The following SORL1 variants were observed in gnomAD, a reference collection of about 807,000 sequenced individuals.
The protein encoded by SORL1 is sortilin-related receptor.
Under a neutral mutation model 273.7 loss-of-function variants are expected in SORL1, and 127 were observed. The observed-to-expected ratio is 0.46, with a 90% CI of 0.40 to 0.54. The LOEUF is 0.54. Among genes scored for constraint, SORL1 ranks in the 20% least tolerant of loss-of-function variants. SORL1 has a pLI of 0.00. For synonymous variants in SORL1, 1,031 were observed against 1,067.4 expected (o/e 0.97, Z 0.66); for missense variants, 2,494 against 2,846.1 (o/e 0.88, Z 2.81).
rs745813874 is a variant in SORL1 at position 121,526,338 on chromosome 11, T to C, written c.1596+3349T>C. On this transcript the variant is annotated intron_variant, in intron 11 of 47. Coordinates refer to ENST00000260197, the MANE Select transcript of SORL1 (RefSeq NM_003105.6). ...CCCATTAATCTGTCTGTCTTTTCAC[T>C]AATACCAAATTATCTTAATTTCCAA... Among the ~76,000 whole-genome samples, 62 of 152,202 alleles carry C rather than the reference T, an allele frequency of 4.1e-4. 1 individual carries two copies. The highest frequency in any genetic ancestry group is 2.0e-4 in the Admixed American group (3 of 15,278).
chr11:121,489,020 A>G (rs556890943), intron 4 of SORL1, among the ~76,000 whole-genome samples: 3 of 152,248 alleles, frequency 2.0e-5, no homozygotes, highest in South Asian at 4.1e-4. Context: ...TTCTTAATAC[A>G]TGGTTGCTAG....
At chr11:121,614,664 C>G (rs1360072536) in intron 40 of SORL1, 3 of 497,420 alleles carry the variant, frequency 6.0e-6, no homozygotes, top group Non-Finnish European at 1.0e-5. Flanking sequence ...AAAGAAATTA[C>G]CCAGTGCTTG....
At position 121,522,608 on chromosome 11, in the gene SORL1, A is replaced by T; in HGVS notation, c.1427A>T (p.His476Leu). 6.2e-7 allele frequency: 1 copy of T among 1,614,076 alleles called. No homozygotes were observed. The highest frequency in any genetic ancestry group is 8.5e-7 in the Non-Finnish European group (1 of 1,179,946). ...TAGCTTTCCCAGGGCTGTTCCCTTC[A>T]TCTGGCTCAGCGCCTCAGTCAGCTC... ...NCELSQGCSL[H>L]LAQRLSQLLN... is the part of the protein sequence containing the mutation. Residue 476 changes from histidine (H) to leucine (L), a missense_variant, in exon 10 of 48, where the codon CAT (histidine) becomes CTT (leucine). By Grantham distance (99) the His-to-Leu change is moderately conservative. Transcript: ENST00000260197.
intron 6 of SORL1, among the ~76,000 whole-genome samples, chr11:121,509,298 A>G (rs749441239): frequency 6.6e-6 from 1 of 151,958 alleles, no homozygotes; most frequent in Non-Finnish European, 1.5e-5. Flanking sequence ...CTGCCATGCA[A>G]CTTTCAGTGG....
At chr11:121,535,745 A>G (rs1008456579) in intron 12 of SORL1, among the ~76,000 whole-genome samples, 9 of 151,174 alleles carry the variant, frequency 6.0e-5, no homozygotes, top group Admixed American at 5.3e-4. Flanking sequence ...GATATCTAGG[A>G]GTTGACTGTT....
intron 41 of SORL1, among the ~76,000 whole-genome samples, chr11:121,616,187 A>C (rs1863637175): frequency 6.6e-6 from 1 of 152,174 alleles, no homozygotes; most frequent in Admixed American, 6.5e-5. Flanking sequence ...AGAGTAGGGC[A>C]ATTGCACAGA....
intron 12 of SORL1, among the ~76,000 whole-genome samples, chr11:121,541,040 T>C (rs1862339448): frequency 6.6e-6 from 1 of 152,230 alleles, no homozygotes; most frequent in Non-Finnish European, 1.5e-5. Flanking sequence ...TATCCAAATA[T>C]CTGTTTCAAA....
chr11:121,544,283 C>T (rs1862391394), intron 13 of SORL1, among the ~76,000 whole-genome samples: 1 of 152,158 alleles, frequency 6.6e-6, no homozygotes, highest in Non-Finnish European at 1.5e-5. Context: ...CCTGTTTCTT[C>T]TCATTTCCAC....
rs720099 is a variant in SORL1 at position 121,563,084 on chromosome 11, T to C, written c.3049+3427T>C. On this transcript the variant is annotated intron_variant, in intron 21 of 47. Transcript: ENST00000260197. The surrounding 1 kb of genome is among the most constrained non-coding windows in gnomAD (Gnocchi z 4.2). ...TTCCCAAAGACTTCTATATGTACTA[T>C]CAATATTTCCATTTTATAGGTGAGA... Among the ~76,000 whole-genome samples, 4,994 of 152,338 alleles carry C rather than the reference T, an allele frequency of 0.033. 131 individuals are homozygous for C. The highest frequency in any genetic ancestry group is 0.076 in the East Asian group (394 of 5,188).
chr11:121,504,899 A>G (rs1349671830), intron 6 of SORL1, among the ~76,000 whole-genome samples: 1 of 152,186 alleles, frequency 6.6e-6, no homozygotes, highest in Non-Finnish European at 1.5e-5. Flanking sequence ...TTTTATCATG[A>G]AAAAATCTGG....
intron 7 of SORL1, among the ~76,000 whole-genome samples, chr11:121,513,858 A>C (rs1263777630): frequency 6.6e-6 from 1 of 152,200 alleles, no homozygotes; most frequent in Non-Finnish European, 1.5e-5. Flanking sequence ...CTCATGGGAA[A>C]ATGAGGGAGA....
chr11:121,617,178 G>T (rs1863655237), intron 41 of SORL1, among the ~76,000 whole-genome samples: 1 of 152,166 alleles, frequency 6.6e-6, no homozygotes, highest in African/African-American at 2.4e-5. Flanking sequence ...TTTAAAAGGT[G>T]CAAGACTTTT....
At position 121,583,590 on chromosome 11, in the gene SORL1, GC is replaced by G. The variant is rs1474868504; in HGVS notation, c.3706+8del. 1 of 1,602,296 alleles carries G rather than the reference GC, an allele frequency of 6.2e-7. No individual in the cohort carries two copies. The highest frequency in any genetic ancestry group is 8.5e-7 in the Non-Finnish European group (1 of 1,174,382). On this transcript the variant is annotated splice_region_variant and intron_variant, in intron 26 of 47. Transcript: ENST00000260197. ...GAGGATCCAGTCAACTGTGGTAAAT[GC>G]AAATTCCCCAGCTCCCTCCCTGAGC...
chr11:121,618,364 T>C (rs1424511368), intron 41 of SORL1, among the ~76,000 whole-genome samples: 1 of 152,096 alleles, frequency 6.6e-6, no homozygotes, highest in Non-Finnish European at 1.5e-5. Context: ...TCCTTCCCAC[T>C]CAGCACATCC....
At chr11:121,585,932 T>G (rs571699138) in intron 26 of SORL1, among the ~76,000 whole-genome samples, 32 of 152,336 alleles carry the variant, frequency 2.1e-4, no homozygotes, top group African/African-American at 7.2e-4. Flanking sequence ...CTTGTACTTG[T>G]GGGCGGTTTT....
Position 121,550,510 on chromosome 11 carries a change from T to C in SORL1, c.2181-75T>C. ...GACTCTACTGGCCGTGGGTAGTAAG[T>C]GTATTCCCAGCTGGGATGCCTTTGT... On this transcript the variant is annotated intron_variant, in intron 15 of 47. Transcript: ENST00000260197. This position sits in a 1 kb window ranked among gnomAD's most constrained non-coding sequence, Gnocchi z 5.3. The C allele has an allele frequency of 8.1e-7, 1 of 1,240,256 alleles. No individual in the cohort carries two copies. The highest frequency in any genetic ancestry group is 1.2e-6 in the Non-Finnish European group (1 of 843,414). The allele number at this position is 1,240,256 out of a possible 1,614,324, so 76.8% of individuals were successfully genotyped here.
chr11:121,601,941 C>A (rs563749459), intron 32 of SORL1, among the ~76,000 whole-genome samples: 14 of 152,244 alleles, frequency 9.2e-5, no homozygotes, highest in Admixed American at 1.3e-4. Context: ...AATGGCATAA[C>A]CTGATCAGAT....
chr11:121,523,062 G>A, intron 11 of SORL1, 73 bp downstream of exon 11: 1 of 1,007,072 alleles, frequency 9.9e-7, no homozygotes, highest in Non-Finnish European at 1.6e-6. Context: ...CTGTGCCTTG[G>A]CATTTCAGGG....
chr11:121,520,899 C>T (rs1167276748), intron 9 of SORL1, 50 bp downstream of exon 9: 1 of 1,347,964 alleles, frequency 7.4e-7, no homozygotes, highest in East Asian at 2.4e-5. Flanking sequence ...GGAAAGAGCC[C>T]TGCTCTGTGG....
Sources: gnomAD v4.1 joint callset for allele counts (sites outside exome capture counted in the v4.1 genomes callset) on GRCh38, gnomAD v4.1.1 for gene constraint, Gnocchi (gnomAD v3.1) non-coding constraint, MANE v1.5 for transcripts, NCBI Gene and HGNC (gene_info 2026-07-23, HGNC 2026-07-21) for gene names.